Variants in PAX6 observed in about 807,000 individuals in gnomAD.
PAX6 encodes the protein paired box 6.
In PAX6, 7 loss-of-function variants were observed where a neutral mutation model predicts 60.7. That is an observed-to-expected ratio of 0.12 (90% CI 0.07 to 0.22). The LOEUF is 0.22. PAX6 is among the 10% of genes least tolerant of loss of function. PAX6 has a pLI of 1.00. For synonymous variants in PAX6, 208 were observed against 201.2 expected, an observed-to-expected ratio of 1.03 and a Z score of -0.29; for missense variants, 355 against 555.2, an observed-to-expected ratio of 0.64 and a Z score of 3.62.
chr11:31,790,683 T>C, intron 13 of PAX6, 27 bp downstream of exon 13: 2 of 1,613,872 alleles, frequency 1.2e-6, no homozygotes, highest in Non-Finnish European at 1.7e-6. Flanking sequence ...ATCGCCTCTG[T>C]GCAGCCTGCA....
At chr11:31,805,402 A>C (rs1955483114) in intron 4 of PAX6, 1 of 152,458 alleles carries the variant, frequency 6.6e-6, no homozygotes, top group Non-Finnish European at 1.5e-5. Flanking sequence ...CCCCGGAAGC[A>C]CCAGGGGGCG....
chr11:31,806,753 T>C (rs1037849793), intron 3 of PAX6, 96 bp downstream of exon 3: 1 of 356,878 alleles, frequency 2.8e-6, no homozygotes, highest in African/African-American at 2.1e-5. Context: ...TTTGATTTAT[T>C]TTCTTCTATC....
intron 8 of PAX6, among the ~76,000 whole-genome samples, chr11:31,796,662 AAAAAGAGGGCGATGGAGGGG>A (rs796861033): frequency 5.9e-5 from 9 of 151,734 alleles, no homozygotes; most frequent in African/African-American, 1.5e-4. Context: ...CGATGGAGGG[AAAAAGAGGGCGATGGAGGGG>A]AAAAGAAGGC....
At chr11:31,790,535 T>C (rs1434431975) in intron 13 of PAX6, 175 bp downstream of exon 13, 22 of 966,576 alleles carry the variant, frequency 2.3e-5, no homozygotes, top group Non-Finnish European at 2.5e-5. Context: ...TTTGTCTATA[T>C]GGTGTAAAGT....
chr11:31,794,275 C>T (rs372934884), intron 9 of PAX6, 161 bp from the exon 10 acceptor site: 1 of 707,614 alleles, frequency 1.4e-6, no homozygotes. Flanking sequence ...AACTTTCCCA[C>T]CAGAACCAAG....
chr11:31,792,192 A>G (rs1304839929), intron 12 of PAX6: 1 of 152,222 alleles, frequency 6.6e-6, no homozygotes, highest in Non-Finnish European at 1.5e-5. Context: ...GCCTGCCAGA[A>G]TTTCAGCTTG....
intron 7 of PAX6, 34 bp downstream of exon 7, chr11:31,801,527 G>C: frequency 6.2e-7 from 1 of 1,613,816 alleles, no homozygotes; most frequent in Non-Finnish European, 8.5e-7. Context: ...ATTGGGCTTA[G>C]GGCAGGGAGG....
intron 2 of PAX6, among the ~76,000 whole-genome samples, chr11:31,809,564 T>G (rs1013855181): frequency 1.3e-5 from 2 of 152,180 alleles, no homozygotes; most frequent in African/African-American, 2.4e-5. Flanking sequence ...CCAATTACAC[T>G]TGCTAAAATT....
Position 31,793,734 on chromosome 11 carries a change from G to A in PAX6, c.876C>T (p.Ala292=), listed in dbSNP as rs1191791941. The change falls in exon 11 of 14, where the codon GCC becomes GCT. Residue 292 remains alanine (A), a synonymous_variant. Coordinates refer to ENST00000640368, the MANE Select transcript of PAX6 (RefSeq NM_001368894.2). ...TAGGAATATGACTAGGTGTGTTGCTGGCCTGTCTTCTCTGATTCCTCAGTT... is the reference window on the plus strand; with the variant it reads ...TAGGAATATGACTAGGTGTGTTGCTAGCCTGTCTTCTCTGATTCCTCAGTT... ...EEKLRNQRRQ[A]SNTPSHIPIS... is the part of the protein sequence containing the mutation. 7.4e-6 allele frequency: 12 copies of A among 1,613,894 alleles called. No homozygotes were observed. The East Asian group carries it at 2.7e-4, about 36-fold the overall frequency.
rs752871485 is a variant in PAX6, at chr11:31,790,764, T to A, written c.1171A>T (p.Met391Leu). The A allele has an allele frequency of 2.5e-6, 4 of 1,614,038 alleles. No individual in the cohort carries two copies. In the Admixed American group the frequency reaches 5.0e-5, roughly 20 times the overall value. ...RSYDTYTPPH[M>L]QTHMNSQPMG... ...GGCTGACTGTTCATGTGTGTCTGCATATGTGGGGGGGTGTAGGTATCATAA... is the reference window on the plus strand; with the variant it reads ...GGCTGACTGTTCATGTGTGTCTGCAAATGTGGGGGGGTGTAGGTATCATAA... The change falls in exon 13 of 14, where the codon ATG (methionine) becomes TTG (leucine). Residue 391 changes from methionine (M) to leucine (L), a missense_variant. By Grantham distance (15) the Met-to-Leu change is conservative. Around this residue, in one of 5 missense-constraint regions of PAX6, gnomAD observed 149 missense variants for 191.9 expected, o/e 0.78. Transcript: ENST00000640368.
In PAX6 at chr11:31,789,903, T is replaced by G; in HGVS notation, c.*31A>C. 6.5e-7 allele frequency: 1 copy of G among 1,535,438 alleles called. No homozygotes were observed. Among genetic ancestry groups the G allele is most frequent in the East Asian group, 2.3e-5 (1 of 42,970 alleles). On this transcript the variant is annotated 3_prime_UTR_variant, in exon 14 of 14. Transcript: ENST00000640368. ...AGTCACTGACTGAATTAACACAATA[T>G]TTCCTTTCCTTTTTTTTTTTTTTTT...
chr11:31,806,114 A>G, intron 4 of PAX6: 1 of 457,488 alleles, frequency 2.2e-6, no homozygotes, highest in Non-Finnish European at 3.8e-6. Context: ...AGGGGGTGTG[A>G]GTTACAGGAT....
chr11:31,797,704 C>T (rs1456002071), intron 8 of PAX6, among the ~76,000 whole-genome samples: 1 of 152,116 alleles, frequency 6.6e-6, no homozygotes, highest in African/African-American at 2.4e-5. Flanking sequence ...TACATTTCCC[C>T]CCACTTTAGT....
intron 1 of PAX6, chr11:31,816,358 G>A (rs1294714752): frequency 1.8e-6 from 1 of 562,656 alleles, no homozygotes; most frequent in Non-Finnish European, 3.1e-6. Flanking sequence ...CTCCGATCAC[G>A]AAGGGCACGG....
chr11:31,790,586 C>T, intron 13 of PAX6, 124 bp downstream of exon 13: 1 of 1,541,490 alleles, frequency 6.5e-7, no homozygotes, highest in Non-Finnish European at 8.9e-7. Context: ...CAATCCCCAT[C>T]CCCCAGGGAC....
rs1953876412 is a variant in PAX6, at chr11:31,801,576, G to T, written c.384C>A (p.Asn128Lys). 1.2e-6 allele frequency: 2 copies of T among 1,614,052 alleles called. No homozygotes were observed. Among genetic ancestry groups the T allele is most frequent in the Admixed American group, 1.7e-5 (1 of 59,996 alleles). Residue 128 changes from asparagine (N) to lysine (K), a missense_variant, in exon 7 of 14, where the codon AAC becomes AAA. Coordinates refer to ENST00000640368, the MANE Select transcript of PAX6 (RefSeq NM_001368894.2). ...ATGAACTTACGCTTGGTATGTTATC[G>T]TTGGTACAGACCCCCTCGGACAGTA... is the stretch of plus-strand genomic sequence containing the variant. Reference protein sequence around the residue: ...DRLLSEGVCTNDNIPSVSSIN... With the variant: ...DRLLSEGVCTKDNIPSVSSIN...
At chr11:31,799,963 C>T (rs868501618) in intron 8 of PAX6, among the ~76,000 whole-genome samples, 2 of 147,828 alleles carry the variant, frequency 1.4e-5, no homozygotes, top group Non-Finnish European at 3.0e-5. Context: ...CCACCCCCCC[C>T]ATCCCCCGCT....
upstream of PAX6, chr11:31,814,075 G>C (rs1442422962): frequency 1.3e-5 from 2 of 152,154 alleles, no homozygotes; most frequent in Non-Finnish European, 2.9e-5. Context: ...GGGGCGGCGG[G>C]GATTGCGCTT....
rs917273732 is a variant in PAX6 at position 31,789,709 on chromosome 11, C to A, written c.*225G>T. 4 of 703,232 alleles carry A rather than the reference C, an allele frequency of 5.7e-6. No individual in the cohort carries two copies. Among genetic ancestry groups the A allele is most frequent in the Non-Finnish European group, 1.0e-5 (4 of 385,084 alleles). The allele number at this position is 703,232 out of a possible 1,614,324, so 43.6% of individuals were successfully genotyped here. A position where few individuals can be genotyped will look rare whatever the true frequency, so the allele number is the denominator to read the frequency against. On this transcript the variant is annotated 3_prime_UTR_variant, in exon 14 of 14. Transcript: ENST00000640368. ...ACCAAAATGAATAAAAGTTTGGATA[C>A]CAAAATGAAGATTTGTTCCAACTGA...
Sources: gnomAD v4.1 joint callset for allele counts (sites outside exome capture counted in the v4.1 genomes callset) on GRCh38, gnomAD v4.1.1 for gene constraint, gnomAD v4.1.1 regional missense constraint, MANE v1.5 for transcripts, NCBI Gene and HGNC (gene_info 2026-07-23, HGNC 2026-07-21) for gene names.